SSH2: variants seen among roughly 807,000 people sequenced by gnomAD.
The protein encoded by SSH2 is protein phosphatase Slingshot homolog 2.
A neutral mutation model predicts 135.2 loss-of-function variants in SSH2; 37 were observed. The ratio of observed to expected loss-of-function variants is 0.27; its 90% CI spans 0.21 to 0.36. SSH2 has a LOEUF of 0.36. SSH2 is among the 10% of genes least tolerant of loss of function. The probability of loss-of-function intolerance (pLI) is 1.00; values close to 1 mark genes in which losing one functional copy is unlikely to be tolerated. For missense variants in SSH2, 1,408 were observed against 1,765.3 expected, an observed-to-expected ratio of 0.80 and a Z score of 3.63; for synonymous variants, 628 against 646.2, an observed-to-expected ratio of 0.97 and a Z score of 0.43.
At chr17:29,740,737 T>A (rs118150451) in intron 3 of SSH2, among the ~76,000 whole-genome samples, 2 of 152,302 alleles carry the variant, frequency 1.3e-5, no homozygotes, top group East Asian at 3.9e-4. Flanking sequence ...AATTTGATCA[T>A]CTTCTAAAAT....
intron 2 of SSH2, among the ~76,000 whole-genome samples, chr17:29,826,035 TA>T (rs1303178195): frequency 5.0e-4 from 76 of 152,364 alleles, no homozygotes; most frequent in African/African-American, 1.6e-3. Flanking sequence ...TATATTAAGA[TA>T]TTTTTTCACC....
intron 2 of SSH2, among the ~76,000 whole-genome samples, chr17:29,800,861 T>TC (rs745932036): frequency 3.0e-4 from 45 of 150,886 alleles, no homozygotes; most frequent in Non-Finnish European, 4.9e-4. Context: ...AGTCTTTTTT[T>TC]CTTTTTTTTT....
chr17:29,873,008 A>AT (rs2065964984), intron 1 of SSH2, among the ~76,000 whole-genome samples: 1 of 152,064 alleles, frequency 6.6e-6, no homozygotes, highest in Non-Finnish European at 1.5e-5. Context: ...AAAAAAAAAA[A>AT]GTATTTTTTG....
intron 1 of SSH2, among the ~76,000 whole-genome samples, chr17:29,884,360 T>C (rs1323868655): frequency 6.6e-6 from 1 of 152,222 alleles, no homozygotes; most frequent in East Asian, 1.9e-4. Flanking sequence ...TTCTGATTGC[T>C]CCTTTCAGTC....
rs1450683394 is a variant in SSH2 at position 29,758,360 on chromosome 17, A to G, written c.188+35534T>C. Among the ~76,000 whole-genome samples the G allele has an allele frequency of 5.3e-5, 8 of 152,322 alleles. No individual in the cohort carries two copies. The South Asian group carries it at 1.7e-3, about 32-fold the overall frequency. On this transcript the variant is annotated intron_variant, in intron 3 of 15. Transcript: ENST00000540801. ...CTTACTACCCATGCGGCCTTGAGCAACTACTTACCTTCTCTAAGCCTCAGT... is the reference window on the plus strand; with the variant it reads ...CTTACTACCCATGCGGCCTTGAGCAGCTACTTACCTTCTCTAAGCCTCAGT...
rs80005768 is a variant in SSH2 at position 29,669,559 on chromosome 17, A to T, written c.810-2336T>A. 9.2e-5 allele frequency among the ~76,000 whole-genome samples: 14 copies of T among 152,302 alleles called. No homozygotes were observed. The East Asian group carries it at 2.3e-3, about 25-fold the overall frequency. ...AATCTGCTTTTTCCTCCTCAATTTC[A>T]TTGGAGAAAAATTTGGAAAATACAT... is the stretch of plus-strand genomic sequence containing the variant. On this transcript the variant is annotated intron_variant, in intron 9 of 15. Transcript: ENST00000540801.
chr17:29,659,956 G>A (rs1311830612), intron 11 of SSH2, among the ~76,000 whole-genome samples: 1 of 151,882 alleles, frequency 6.6e-6, no homozygotes, highest in African/African-American at 2.4e-5. Context: ...TCAGCCTCCC[G>A]AGTAGCTGGG....
intron 3 of SSH2, among the ~76,000 whole-genome samples, chr17:29,752,912 T>C (rs892170566): frequency 3.3e-5 from 5 of 151,488 alleles, no homozygotes; most frequent in Non-Finnish European, 7.4e-5. Flanking sequence ...AGGGGAATTG[T>C]AAATAGAGAG....
At chr17:29,738,956 T>G (rs943536631) in intron 3 of SSH2, among the ~76,000 whole-genome samples, 5 of 152,232 alleles carry the variant, frequency 3.3e-5, no homozygotes, top group Admixed American at 6.5e-5. Flanking sequence ...GTGAAAACAC[T>G]TTTAAAACTA....
intron 3 of SSH2, among the ~76,000 whole-genome samples, chr17:29,715,163 G>A (rs138308846): frequency 3.3e-4 from 49 of 150,368 alleles, no homozygotes; most frequent in African/African-American, 1.0e-3. Flanking sequence ...CACTGCGCCC[G>A]GTGATTCCTC....
At chr17:29,825,434 C>G (rs928649843) in intron 2 of SSH2, among the ~76,000 whole-genome samples, 1 of 152,056 alleles carries the variant, frequency 6.6e-6, no homozygotes, top group Non-Finnish European at 1.5e-5. Context: ...CCTTTGAAGT[C>G]CAGGATTGCA....
chr17:29,821,670 G>C (rs1342311514), intron 2 of SSH2, among the ~76,000 whole-genome samples: 1 of 150,222 alleles, frequency 6.7e-6, no homozygotes, highest in East Asian at 1.9e-4. Context: ...TTTTGAGGTG[G>C]AGTCTCGCTC....
chr17:29,758,013 C>T (rs1345957757), intron 3 of SSH2, among the ~76,000 whole-genome samples: 1 of 152,036 alleles, frequency 6.6e-6, no homozygotes, highest in Non-Finnish European at 1.5e-5. Flanking sequence ...AGCCATTTCA[C>T]TCCAGCCTGA....
chr17:29,732,854 A>T (rs1199298979), intron 3 of SSH2, among the ~76,000 whole-genome samples: 2 of 152,212 alleles, frequency 1.3e-5, no homozygotes, highest in African/African-American at 4.8e-5. Flanking sequence ...TCGAATACGC[A>T]CTGAGCAATC....
chr17:29,811,761 C>T (rs1447917738), intron 2 of SSH2, among the ~76,000 whole-genome samples: 1 of 152,026 alleles, frequency 6.6e-6, no homozygotes, highest in Non-Finnish European at 1.5e-5. Flanking sequence ...GAGACAGAGT[C>T]TCACTATGTT....
intron 3 of SSH2, among the ~76,000 whole-genome samples, chr17:29,715,078 A>G (rs1023531298): frequency 2.0e-5 from 3 of 151,572 alleles, no homozygotes; most frequent in Non-Finnish European, 4.4e-5. Context: ...TGTTGCCCAG[A>G]CTGGTCTTGA....
At chr17:29,923,599 AAC>A (rs1370894397) in intron 1 of SSH2, among the ~76,000 whole-genome samples, 3 of 151,830 alleles carry the variant, frequency 2.0e-5, no homozygotes, top group Non-Finnish European at 4.4e-5. Context: ...CAGCCTGGGC[AAC>A]AGAGTGAGAT....
chr17:29,782,910 A>C (rs760150917), intron 3 of SSH2, among the ~76,000 whole-genome samples: 20 of 151,826 alleles, frequency 1.3e-4, no homozygotes, highest in Middle Eastern at 6.8e-3. Flanking sequence ...TAGTAGAGAC[A>C]GGGTTTCACC....
chr17:29,738,550 A>ATTTTCTT (rs1567933036), intron 3 of SSH2, among the ~76,000 whole-genome samples: 3 of 137,370 alleles, frequency 2.2e-5, no homozygotes, highest in Admixed American at 7.2e-5. Flanking sequence ...TTTCTTTTTT[A>ATTTTCTT]TTTTATTTTA....
Sources: gnomAD v4.1 joint callset for allele counts (sites outside exome capture counted in the v4.1 genomes callset) on GRCh38, gnomAD v4.1.1 for gene constraint, MANE v1.5 for transcripts, NCBI Gene and HGNC (gene_info 2026-07-23, HGNC 2026-07-21) for gene names.